The following PHF21B variants were observed in gnomAD, a reference collection of about 807,000 sequenced individuals.
PHF21B encodes the protein PHD finger protein 21B.
PHF21B carries 22 observed loss-of-function variants against 62.2 expected under a neutral mutation model. The observed-to-expected ratio is 0.35, with a 90% CI of 0.25 to 0.51. The LOEUF (loss-of-function observed/expected upper bound fraction) is 0.51. Among genes scored for constraint, PHF21B ranks in the 20% least tolerant of loss-of-function variants. The probability of loss-of-function intolerance (pLI) is 0.97; values close to 1 mark genes in which losing one functional copy is unlikely to be tolerated. For missense variants in PHF21B, 701 were observed against 707.9 expected (o/e 0.99, Z 0.11); for synonymous variants, 341 against 314.7 (o/e 1.08, Z -0.88).
At chr22:44,976,568 T>G (rs2072741565) in intron 2 of PHF21B, among the ~76,000 whole-genome samples, 2 of 152,252 alleles carry the variant, frequency 1.3e-5, no homozygotes, top group Non-Finnish European at 2.9e-5. Context: ...CACTTTTGAC[T>G]GTTCCGTCTT....
chr22:44,908,003 A>C (rs2071281058), intron 5 of PHF21B, among the ~76,000 whole-genome samples: 1 of 152,164 alleles, frequency 6.6e-6, no homozygotes, highest in Admixed American at 6.5e-5. Context: ...GGCCCCTTTC[A>C]CGCCCATAAT....
intron 2 of PHF21B, among the ~76,000 whole-genome samples, chr22:45,005,486 CAT>C (rs2073298992): frequency 6.6e-6 from 1 of 152,188 alleles, no homozygotes; most frequent in Non-Finnish European, 1.5e-5. Flanking sequence ...ACACAGAAAA[CAT>C]ATCTCTATCT....
At chr22:44,963,317 G>A (rs1403155704) in intron 2 of PHF21B, among the ~76,000 whole-genome samples, 1 of 152,286 alleles carries the variant, frequency 6.6e-6, no homozygotes, top group Non-Finnish European at 1.5e-5. Flanking sequence ...GCGCAAGACA[G>A]CACACTGGTT....
At chr22:44,919,360 G>C (rs1206406419) in intron 3 of PHF21B, among the ~76,000 whole-genome samples, 1 of 152,218 alleles carries the variant, frequency 6.6e-6, no homozygotes, top group Non-Finnish European at 1.5e-5. Flanking sequence ...CAGTACGAGA[G>C]TTTTTTGCCA....
At chr22:44,981,233 A>C (rs1039464681) in intron 2 of PHF21B, among the ~76,000 whole-genome samples, 1 of 152,092 alleles carries the variant, frequency 6.6e-6, no homozygotes, top group Non-Finnish European at 1.5e-5. Flanking sequence ...AGGGAGGAGG[A>C]GGCAAGAAAC....
chr22:44,902,111 C>A, intron 5 of PHF21B: 2 of 205,890 alleles, frequency 9.7e-6, no homozygotes, highest in South Asian at 1.8e-4. Context: ...GACCTCTGGT[C>A]CTCAGTTGAG....
At chr22:44,887,156 C>CAAAAAAAAA (rs565346064) in intron 10 of PHF21B, among the ~76,000 whole-genome samples, 1 of 65,060 alleles carries the variant, frequency 1.5e-5, no homozygotes, top group Non-Finnish European at 3.5e-5. Flanking sequence ...AACTCCATCT[C>CAAAAAAAAA]AAAAAAAAAA....
intron 2 of PHF21B, among the ~76,000 whole-genome samples, chr22:44,974,497 A>C (rs1409081921): frequency 6.6e-6 from 1 of 151,988 alleles, no homozygotes; most frequent in South Asian, 2.1e-4. Context: ...ATTTTCACCC[A>C]AACAGCCGAC....
Position 44,891,301 on chromosome 22 carries a change from C to CT in PHF21B, c.1015+4dup. The CT allele has an allele frequency of 6.2e-7, 1 of 1,613,828 alleles. No homozygotes were observed. The highest frequency in any genetic ancestry group is 8.5e-7 in the Non-Finnish European group (1 of 1,179,974). Reference sequence around the variant, plus strand: ...TCTGGCAGAAGGCCTGAAGCCGGTGCTTACCTCTCGCTGTGAGGAACAGGG... The same window carrying CT: ...TCTGGCAGAAGGCCTGAAGCCGGTGCTTTACCTCTCGCTGTGAGGAACAGGG... On this transcript the variant is annotated splice_donor_region_variant and intron_variant, in intron 8 of 12. Coordinates refer to ENST00000313237, the MANE Select transcript of PHF21B (RefSeq NM_138415.5).
intron 2 of PHF21B, among the ~76,000 whole-genome samples, chr22:44,997,584 C>T (rs1281623780): frequency 1.3e-5 from 2 of 152,144 alleles, no homozygotes; most frequent in East Asian, 3.9e-4. Context: ...GGAAATGCTA[C>T]CTGTCACTTT....
chr22:44,908,766 G>A (rs1601588511), intron 5 of PHF21B, among the ~76,000 whole-genome samples: 1 of 152,120 alleles, frequency 6.6e-6, no homozygotes, highest in Non-Finnish European at 1.5e-5. Context: ...CCAGCAGTCT[G>A]TGCAGCACAG....
At chr22:44,994,575 G>T (rs2073090797) in intron 2 of PHF21B, among the ~76,000 whole-genome samples, 1 of 152,214 alleles carries the variant, frequency 6.6e-6, no homozygotes, top group African/African-American at 2.4e-5. Flanking sequence ...CAGCTCGTGG[G>T]GATCAGTTAC....
intron 5 of PHF21B, among the ~76,000 whole-genome samples, chr22:44,912,641 C>T (rs1235716936): frequency 6.6e-6 from 1 of 152,082 alleles, no homozygotes; most frequent in Non-Finnish European, 1.5e-5. Flanking sequence ...AAACCTCTTT[C>T]CTTTGTAAAT....
At chr22:45,001,626 G>T (rs761676) in intron 2 of PHF21B, among the ~76,000 whole-genome samples, 92,025 of 152,176 alleles carry the variant, frequency 0.6, 32,209 homozygotes, top group East Asian at 0.87. Context: ...CTTATAGAGT[G>T]AGATGTCACC....
chr22:44,894,039 TTTTCC>T (rs1355157697), intron 6 of PHF21B, among the ~76,000 whole-genome samples: 70 of 152,300 alleles, frequency 4.6e-4, no homozygotes, highest in African/African-American at 1.5e-3. Flanking sequence ...CGGTGTTTTC[TTTTCC>T]TTTTTCTTTG....
chr22:44,931,090 T>C (rs531874233), intron 2 of PHF21B, among the ~76,000 whole-genome samples: 36 of 152,350 alleles, frequency 2.4e-4, no homozygotes, highest in African/African-American at 8.7e-4. Context: ...GGTCTCGCTC[T>C]GTTGCCCCAA....
At chr22:44,973,114 G>A (rs1386487259) in intron 2 of PHF21B, among the ~76,000 whole-genome samples, 7 of 152,150 alleles carry the variant, frequency 4.6e-5, no homozygotes, top group East Asian at 1.9e-4. Context: ...ATCACAGCCC[G>A]GTGGAGTCTG....
intron 2 of PHF21B, among the ~76,000 whole-genome samples, chr22:44,940,709 G>A (rs575302067): frequency 3.3e-5 from 5 of 152,314 alleles, no homozygotes; most frequent in South Asian, 4.1e-4. Flanking sequence ...CCTAGAAGGC[G>A]AAGGGGCCGA....
chr22:44,944,516 G>A (rs553270978), intron 2 of PHF21B, among the ~76,000 whole-genome samples: 16 of 152,280 alleles, frequency 1.1e-4, no homozygotes, highest in African/African-American at 2.9e-4. Context: ...TTATTGCCTC[G>A]GTATTTGGAC....
Sources: gnomAD v4.1 joint callset for allele counts (sites outside exome capture counted in the v4.1 genomes callset) on GRCh38, gnomAD v4.1.1 for gene constraint, MANE v1.5 for transcripts, NCBI Gene and HGNC (gene_info 2026-07-23, HGNC 2026-07-21) for gene names.